Variants in CPQ observed in about 807,000 individuals in gnomAD.
CPQ encodes the protein carboxypeptidase Q, also known as Ser-Met dipeptidase.
A neutral mutation model predicts 45.7 loss-of-function variants in CPQ; 37 were observed. That is an observed-to-expected ratio of 0.81 (90% CI 0.62 to 1.07). The LOEUF (loss-of-function observed/expected upper bound fraction) is 1.07. Among genes scored for constraint, CPQ ranks in the 50% least tolerant of loss-of-function variants. CPQ has a pLI of 0.00. For synonymous variants in CPQ, 186 were observed against 205.8 expected (o/e 0.90, Z 0.82); for missense variants, 537 against 572.9 (o/e 0.94, Z 0.64).
At chr8:96,897,629 G>A (rs1420703049) in intron 4 of CPQ, among the ~76,000 whole-genome samples, 1 of 152,138 alleles carries the variant, frequency 6.6e-6, no homozygotes, top group Non-Finnish European at 1.5e-5. Context: ...TGTGTATAAG[G>A]TGTATAAGAA....
intron 4 of CPQ, among the ~76,000 whole-genome samples, chr8:96,932,925 A>G (rs1330511864): frequency 6.6e-6 from 1 of 152,198 alleles, no homozygotes; most frequent in Non-Finnish European, 1.5e-5. Flanking sequence ...CAATGCATAT[A>G]ATAAGGAATT....
chr8:96,963,661 G>A (rs1201268444), intron 4 of CPQ, among the ~76,000 whole-genome samples: 1 of 152,146 alleles, frequency 6.6e-6, no homozygotes, highest in East Asian at 1.9e-4. Context: ...ATATCAATCT[G>A]TAAAACTTCT....
At chr8:97,008,978 A>G (rs1461043242) in intron 5 of CPQ, among the ~76,000 whole-genome samples, 1 of 152,202 alleles carries the variant, frequency 6.6e-6, no homozygotes, top group Non-Finnish European at 1.5e-5. Context: ...TGCTGCTCAC[A>G]TAATTGTTTC....
At chr8:96,914,801 G>T (rs898978537) in intron 4 of CPQ, among the ~76,000 whole-genome samples, 2 of 152,226 alleles carry the variant, frequency 1.3e-5, no homozygotes, top group East Asian at 1.9e-4. Flanking sequence ...GGAACAAGGC[G>T]ATTGCTCAGA....
At chr8:96,683,869 C>A (rs1021440097) in intron 1 of CPQ, among the ~76,000 whole-genome samples, 4 of 150,822 alleles carry the variant, frequency 2.7e-5, no homozygotes, top group Admixed American at 2.0e-4. Flanking sequence ...TTATTGAATT[C>A]ATCAGTTCCA....
intron 1 of CPQ, among the ~76,000 whole-genome samples, chr8:96,776,045 C>G (rs1424256992): frequency 6.6e-6 from 1 of 152,088 alleles, no homozygotes; most frequent in Non-Finnish European, 1.5e-5. Flanking sequence ...GTATCTTTTC[C>G]CAAATTCTTG....
chr8:96,792,144 G>C (rs559305817), intron 2 of CPQ, among the ~76,000 whole-genome samples: 65 of 152,284 alleles, frequency 4.3e-4, no homozygotes, highest in African/African-American at 1.5e-3. Flanking sequence ...TGAGAGCTCT[G>C]CAAGTTATCT....
chr8:96,926,909 T>C (rs955093526), intron 4 of CPQ, among the ~76,000 whole-genome samples: 1 of 152,064 alleles, frequency 6.6e-6, no homozygotes, highest in Non-Finnish European at 1.5e-5. Context: ...CTCCCACTCA[T>C]GAGTGAGAAC....
chr8:96,807,799 T>C (rs1811104366), intron 2 of CPQ, among the ~76,000 whole-genome samples: 1 of 152,170 alleles, frequency 6.6e-6, no homozygotes. Flanking sequence ...CAGTTTTACA[T>C]AGTAAGTTGT....
At chr8:97,000,924 G>A (rs1036505021) in intron 5 of CPQ, among the ~76,000 whole-genome samples, 1 of 152,068 alleles carries the variant, frequency 6.6e-6, no homozygotes, top group Non-Finnish European at 1.5e-5. Context: ...TTGAACAGTG[G>A]TTTGTAGTTC....
chr8:96,826,351 T>C (rs1811378445), intron 2 of CPQ, among the ~76,000 whole-genome samples: 1 of 152,084 alleles, frequency 6.6e-6, no homozygotes, highest in Admixed American at 6.6e-5. Context: ...TGAAAAACTT[T>C]GATAGAAACT....
chr8:96,890,324 C>T lies in CPQ; in HGVS notation c.849+10319C>T, dbSNP rs181832286. 3.9e-5 allele frequency among the ~76,000 whole-genome samples: 6 copies of T among 152,334 alleles called. 1 individual carries two copies. In the South Asian group the frequency reaches 6.2e-4, roughly 16 times the overall value. On this transcript the variant is annotated intron_variant, in intron 4 of 7. Transcript: ENST00000220763. The stretch of plus-strand genomic sequence containing the variant: ...ACAGTCCTCTTTCTGTAGCTGGTCA[C>T]GTGGTTGTAGCTGGTATTGATGACT...
intron 2 of CPQ, among the ~76,000 whole-genome samples, chr8:96,813,975 C>T (rs1476039229): frequency 1.4e-5 from 2 of 143,740 alleles, no homozygotes; most frequent in African/African-American, 2.5e-5. Flanking sequence ...AGACTAAGGA[C>T]TGTCATATAT....
chr8:96,811,620 A>G (rs1434502778), intron 2 of CPQ, among the ~76,000 whole-genome samples: 2 of 152,170 alleles, frequency 1.3e-5, no homozygotes, highest in African/African-American at 2.4e-5. Context: ...TAGAAAACAA[A>G]AAAACTCTAT....
At chr8:96,724,949 C>T (rs1268313539) in intron 1 of CPQ, among the ~76,000 whole-genome samples, 1 of 152,154 alleles carries the variant, frequency 6.6e-6, no homozygotes, top group Non-Finnish European at 1.5e-5. Context: ...ACCATCTGAT[C>T]TTTGAGAAAG....
At chr8:96,907,185 T>G (rs963275772) in intron 4 of CPQ, among the ~76,000 whole-genome samples, 5 of 152,226 alleles carry the variant, frequency 3.3e-5, no homozygotes, top group African/African-American at 1.2e-4. Context: ...TTACTGCTCA[T>G]GTAGCAATCC....
In CPQ at chr8:97,039,556, A is replaced by AT. The variant is rs1234838239; in HGVS notation, c.1053+10063dup. Among the ~76,000 whole-genome samples the AT allele has an allele frequency of 5.3e-5, 8 of 151,928 alleles. No homozygotes were observed. In the East Asian group the frequency reaches 1.6e-3, roughly 30 times the overall value. On this transcript the variant is annotated intron_variant, in intron 6 of 7. Transcript: ENST00000220763. ...GTGCAGGTTAGTTACATATGTACAC[A>AT]TGTGCCATGCTGGTGTGCTGCACCC... is the stretch of plus-strand genomic sequence containing the variant.
At chr8:96,839,524 T>C (rs969898653) in intron 3 of CPQ, among the ~76,000 whole-genome samples, 3 of 152,184 alleles carry the variant, frequency 2.0e-5, no homozygotes, top group African/African-American at 7.2e-5. Context: ...ATGCAATTAA[T>C]TAGAGATTTA....
At chr8:96,899,354 G>A (rs1195917062) in intron 4 of CPQ, among the ~76,000 whole-genome samples, 1 of 152,126 alleles carries the variant, frequency 6.6e-6, no homozygotes, top group East Asian at 1.9e-4. Context: ...CAAAAAGTAA[G>A]CCATTGTGAA....
Sources: gnomAD v4.1 joint callset for allele counts (sites outside exome capture counted in the v4.1 genomes callset) on GRCh38, gnomAD v4.1.1 for gene constraint, MANE v1.5 for transcripts, NCBI Gene and HGNC (gene_info 2026-07-23, HGNC 2026-07-21) for gene names.